PNLIPRP3: variants seen among roughly 807,000 people sequenced by gnomAD.
PNLIPRP3 encodes pancreatic lipase-related protein 3.
A neutral mutation model predicts 52.8 loss-of-function variants in PNLIPRP3; 58 were observed. That is an observed-to-expected ratio of 1.10 (90% CI 0.89 to 1.37). The LOEUF (loss-of-function observed/expected upper bound fraction) is 1.37, where lower values mean the gene tolerates loss of function less well. Among genes scored for constraint, PNLIPRP3 ranks in the 40% most tolerant of loss-of-function variants. The pLI is 0.00. For missense variants in PNLIPRP3, 593 were observed against 561.6 expected (o/e 1.06, Z -0.57); for synonymous variants, 192 against 185.0 (o/e 1.04, Z -0.31).
At position 116,471,841 on chromosome 10, in the gene PNLIPRP3, C is replaced by T. The variant is rs780236573; in HGVS notation, c.1134C>T (p.Gly378=). ...AAGGAACTGTCTTTCTTCGTGTAGG[C>T]GGGGCAGTTAGGAAAACTGGGGAGT... ...VTQGTVFLRV[G]GAVRKTGEFA... The change falls in exon 10 of 12, where the codon GGC becomes GGT. Residue 378 remains glycine (G), a synonymous_variant. Transcript: ENST00000369230. 1.1e-5 allele frequency: 18 copies of T among 1,607,326 alleles called. No homozygotes were observed. Among genetic ancestry groups the T allele is most frequent in the South Asian group, 3.3e-5 (3 of 90,704 alleles).
intron 1 of PNLIPRP3, 118 bp downstream of exon 1, chr10:116,428,179 G>A (rs1367202345): frequency 8.4e-6 from 6 of 718,328 alleles, no homozygotes; most frequent in Non-Finnish European, 1.4e-5. Context: ...TTCTTAAGTA[G>A]TTTATTGTTT....
At chr10:116,466,236 A>G in intron 8 of PNLIPRP3, 68 bp downstream of exon 8, 1 of 1,178,584 alleles carries the variant, frequency 8.5e-7, no homozygotes, top group Non-Finnish European at 1.2e-6. Context: ...ATCCAGCTAA[A>G]CATTAGGGCT....
At chr10:116,455,950 C>G (rs1383667755) in intron 5 of PNLIPRP3, 120 bp downstream of exon 5, 2 of 743,692 alleles carry the variant, frequency 2.7e-6, no homozygotes, top group African/African-American at 3.6e-5. Context: ...AAATGTGATT[C>G]CAATGAAATA....
At chr10:116,461,880 G>T (rs1264731372) in intron 7 of PNLIPRP3, among the ~76,000 whole-genome samples, 1 of 152,180 alleles carries the variant, frequency 6.6e-6, no homozygotes, top group Non-Finnish European at 1.5e-5. Context: ...GGAAGCAAGT[G>T]TAAGGGCTGA....
At chr10:116,429,717 G>A (rs1326673808) in intron 1 of PNLIPRP3, among the ~76,000 whole-genome samples, 1 of 152,204 alleles carries the variant, frequency 6.6e-6, no homozygotes, top group Non-Finnish European at 1.5e-5. Flanking sequence ...ACTGGTGAAG[G>A]CAGAATTAAG....
At chr10:116,455,445 T>C (rs986524318) in intron 4 of PNLIPRP3, among the ~76,000 whole-genome samples, 1 of 152,120 alleles carries the variant, frequency 6.6e-6, no homozygotes, top group African/African-American at 2.4e-5. Flanking sequence ...GCCACGAATA[T>C]AGTTGTTAGG....
At chr10:116,459,658 G>T (rs1378076586) in intron 5 of PNLIPRP3, among the ~76,000 whole-genome samples, 1 of 152,130 alleles carries the variant, frequency 6.6e-6, no homozygotes, top group Non-Finnish European at 1.5e-5. Flanking sequence ...TCCCAAACAC[G>T]ATGCTTTCAT....
intron 10 of PNLIPRP3, among the ~76,000 whole-genome samples, chr10:116,476,130 C>T (rs750583937): frequency 1.3e-5 from 2 of 152,068 alleles, no homozygotes; most frequent in African/African-American, 2.4e-5. Flanking sequence ...GCTCTATTGC[C>T]GTGATCAACA....
At chr10:116,436,971 A>G in intron 2 of PNLIPRP3, 106 bp downstream of exon 2, 1 of 1,139,294 alleles carries the variant, frequency 8.8e-7, no homozygotes, top group Non-Finnish European at 1.2e-6. Context: ...TATGCTATTG[A>G]CTTAAATGCA....
chr10:116,467,632 T>C (rs552381612), intron 8 of PNLIPRP3, among the ~76,000 whole-genome samples: 7 of 152,248 alleles, frequency 4.6e-5, no homozygotes, highest in African/African-American at 1.4e-4. Context: ...TAAGGCAGAG[T>C]TGAATTTGAT....
intron 3 of PNLIPRP3, among the ~76,000 whole-genome samples, chr10:116,443,805 A>G (rs1242134051): frequency 0.18 from 572 of 3,180 alleles, 8 homozygotes; most frequent in South Asian, 0.44. Context: ...GTGTGTGCAT[A>G]TATATATATA....
chr10:116,462,813 A>G (rs1846215250), intron 7 of PNLIPRP3, among the ~76,000 whole-genome samples: 1 of 152,212 alleles, frequency 6.6e-6, no homozygotes, highest in Non-Finnish European at 1.5e-5. Flanking sequence ...TTTATGAAAG[A>G]TTAATTCAAC....
intron 9 of PNLIPRP3, among the ~76,000 whole-genome samples, chr10:116,470,577 T>C (rs1846353484): frequency 6.6e-6 from 1 of 151,240 alleles, no homozygotes; most frequent in Admixed American, 6.6e-5. Flanking sequence ...TGGTGCGATC[T>C]CGGCTCACTG....
At chr10:116,470,762 A>C (rs1428084149) in intron 9 of PNLIPRP3, among the ~76,000 whole-genome samples, 1 of 151,692 alleles carries the variant, frequency 6.6e-6, no homozygotes, top group African/African-American at 2.4e-5. Context: ...ACCGCCTCGG[A>C]CTCCCAAAGT....
chr10:116,477,046 G>A (rs780370913), intron 11 of PNLIPRP3, 44 bp from the exon 12 acceptor site: 9 of 1,470,592 alleles, frequency 6.1e-6, no homozygotes, highest in African/African-American at 1.4e-5. Context: ...TTCTTCCCTG[G>A]CATCAGGTTA....
At chr10:116,462,710 T>C (rs1846211039) in intron 7 of PNLIPRP3, among the ~76,000 whole-genome samples, 1 of 152,212 alleles carries the variant, frequency 6.6e-6, no homozygotes, top group Admixed American at 6.5e-5. Flanking sequence ...CATTATTTTC[T>C]ATATTACGAC....
At position 116,477,507 on chromosome 10, in the gene PNLIPRP3, T is replaced by A. The variant is rs1235161631; in HGVS notation, c.*354T>A. On this transcript the variant is annotated 3_prime_UTR_variant, in exon 12 of 12. Coordinates refer to ENST00000369230, the MANE Select transcript of PNLIPRP3 (RefSeq NM_001011709.3). ...AAGTAAGCCTCTGGCTTGCTGAGTT[T>A]TTGAAGTATATTTTCAGGTATAATA... 1 of 167,388 alleles carries A rather than the reference T, an allele frequency of 6.0e-6. No homozygotes were observed. Among genetic ancestry groups the A allele is most frequent in the Non-Finnish European group, 1.3e-5 (1 of 78,826 alleles). 10.4% of individuals were successfully genotyped at this position (167,388 alleles called of 1,614,324 possible).
Position 116,432,602 on chromosome 10 carries a change from C to A in PNLIPRP3, c.50-4109C>A, listed in dbSNP as rs544102569. On this transcript the variant is annotated intron_variant, in intron 1 of 11. Transcript: ENST00000369230. ...CCTATGTGGCAGTTGCTTAATAAAA[C>A]TAATGATGCCATGATGGCAAATTTA... 9.9e-5 allele frequency among the ~76,000 whole-genome samples: 15 copies of A among 152,220 alleles called. No homozygotes were observed. In the South Asian group the frequency reaches 3.1e-3, roughly 32 times the overall value.
At chr10:116,469,004 TC>T (rs1846323399) in intron 8 of PNLIPRP3, among the ~76,000 whole-genome samples, 180 bp from the exon 9 acceptor site, 1 of 152,240 alleles carries the variant, frequency 6.6e-6, no homozygotes, top group African/African-American at 2.4e-5. Context: ...TTTCTCTTTT[TC>T]CCTCAGTTGG....
Sources: allele counts gnomAD v4.1 joint callset (sites outside exome capture counted in the v4.1 genomes callset), GRCh38; gene constraint gnomAD v4.1.1; transcripts MANE v1.5; gene names NCBI Gene and HGNC (gene_info 2026-07-23, HGNC 2026-07-21).